Variants in TMEM182 observed in about 807,000 individuals in gnomAD.
The protein encoded by TMEM182 is transmembrane protein 182.
A neutral mutation model predicts 26.8 loss-of-function variants in TMEM182; 20 were observed. The observed-to-expected ratio is 0.75, with a 90% CI of 0.53 to 1.09. The LOEUF (loss-of-function observed/expected upper bound fraction) is 1.09. Ranked by LOEUF, TMEM182 falls within the 50% of genes least tolerant of loss-of-function variation. The pLI is 0.00. For synonymous variants in TMEM182, 109 were observed against 102.2 expected, an observed-to-expected ratio of 1.07 and a Z score of -0.40; for missense variants, 277 against 275.5, an observed-to-expected ratio of 1.01 and a Z score of -0.04.
intron 3 of TMEM182, among the ~76,000 whole-genome samples, chr2:102,771,308 C>A (rs1013936814): frequency 1.3e-5 from 2 of 152,168 alleles, no homozygotes; most frequent in African/African-American, 2.4e-5. Context: ...TATCACGTTA[C>A]AGGAGTGGCT....
At chr2:102,800,631 C>A (rs1054994091) in intron 4 of TMEM182, among the ~76,000 whole-genome samples, 1 of 151,998 alleles carries the variant, frequency 6.6e-6, no homozygotes. Flanking sequence ...TTTACATGTA[C>A]AAATATTTGT....
chr2:102,784,884 T>TG (rs1320295895), intron 3 of TMEM182, among the ~76,000 whole-genome samples: 1 of 152,186 alleles, frequency 6.6e-6, no homozygotes, highest in Non-Finnish European at 1.5e-5. Flanking sequence ...GCTTCTTTAC[T>TG]GCAACCTGTT....
At chr2:102,835,656 GCTTTGTGC>G (rs2104778928) in intron 3 of TMEM182, among the ~76,000 whole-genome samples, 1 of 151,390 alleles carries the variant, frequency 6.6e-6, no homozygotes, top group African/African-American at 2.4e-5. Context: ...CATTTTTATA[GCTTTGTGC>G]CTTTCAGAAT....
At chr2:102,750,969 A>G (rs889723711) in intron 1 of TMEM182, among the ~76,000 whole-genome samples, 2 of 152,148 alleles carry the variant, frequency 1.3e-5, no homozygotes, top group African/African-American at 2.4e-5. Context: ...GCTGGGTTGC[A>G]TATAGCCGCC....
chr2:102,807,654 C>G (rs1682398280), intron 4 of TMEM182, among the ~76,000 whole-genome samples: 1 of 152,136 alleles, frequency 6.6e-6, no homozygotes, highest in Non-Finnish European at 1.5e-5. Context: ...GCAAATTTCC[C>G]TTTTCCCAGA....
intron 3 of TMEM182, among the ~76,000 whole-genome samples, chr2:102,789,004 A>G (rs543097757): frequency 6.6e-6 from 1 of 152,300 alleles, no homozygotes; most frequent in South Asian, 2.1e-4. Context: ...CAAGACAAGC[A>G]GTGTATGGAG....
chr2:102,842,518 T>C (rs1683374130), intron 3 of TMEM182, among the ~76,000 whole-genome samples: 1 of 152,044 alleles, frequency 6.6e-6, no homozygotes, highest in Admixed American at 6.5e-5. Flanking sequence ...TCCACCTAGA[T>C]CCACAGGGTC....
chr2:102,797,066 C>G (rs1681901079), intron 3 of TMEM182, among the ~76,000 whole-genome samples: 1 of 152,118 alleles, frequency 6.6e-6, no homozygotes. Context: ...CGTTAGAATT[C>G]CTTTTTGTTT....
chr2:102,795,709 G>A (rs1399574371), intron 3 of TMEM182, among the ~76,000 whole-genome samples: 1 of 152,058 alleles, frequency 6.6e-6, no homozygotes, highest in Non-Finnish European at 1.5e-5. Context: ...AGGTTCAAAC[G>A]TGGAATTTTA....
chr2:102,794,392 T>A (rs767833501), intron 3 of TMEM182, among the ~76,000 whole-genome samples: 1 of 152,234 alleles, frequency 6.6e-6, no homozygotes, highest in African/African-American at 2.4e-5. Flanking sequence ...TATTAATCAT[T>A]TCTGCTGCTC....
At chr2:102,743,208 T>C (rs1679591385) in intron 1 of TMEM182, among the ~76,000 whole-genome samples, 2 of 152,196 alleles carry the variant, frequency 1.3e-5, no homozygotes, top group Admixed American at 6.6e-5. Context: ...AGTATGTTAT[T>C]TGAAACTAGT....
intron 3 of TMEM182, chr2:102,834,422 G>C (rs1683205325): frequency 1.0e-6 from 1 of 985,100 alleles, no homozygotes; most frequent in Admixed American, 6.2e-5. Flanking sequence ...TCTAGAAGAT[G>C]GGGGGATGGA....
chr2:102,821,355 C>T (rs575361928), downstream of TMEM182, among the ~76,000 whole-genome samples: 4 of 152,214 alleles, frequency 2.6e-5, no homozygotes, highest in Admixed American at 2.0e-4. Flanking sequence ...GAGGGTGGAT[C>T]CTTCATGGCT....
chr2:102,765,434 G>A (rs941201099), intron 3 of TMEM182, among the ~76,000 whole-genome samples: 1 of 151,990 alleles, frequency 6.6e-6, no homozygotes, highest in Admixed American at 6.6e-5. Flanking sequence ...TGGGGTAGGG[G>A]GTAATCTGCT....
Position 102,816,711 on chromosome 2 carries a change from G to A in TMEM182, c.*1743G>A, listed in dbSNP as rs1682767864. 1 of 985,662 alleles carries A rather than the reference G, an allele frequency of 1.0e-6. No homozygotes were observed. Among genetic ancestry groups the A allele is most frequent in the Non-Finnish European group, 1.2e-6 (1 of 829,890 alleles). 61.1% of individuals were successfully genotyped at this position (985,662 alleles called of 1,614,324 possible). A position where few individuals can be genotyped will look rare whatever the true frequency, so the allele number is the denominator to read the frequency against. ...AAAAAATAATTATGAGGTCTGTTGT[G>A]CATGTTGACTGTGATATTAAGTTAT... On this transcript the variant is annotated 3_prime_UTR_variant, in exon 5 of 5. Transcript: ENST00000412401.
At chr2:102,820,773 A>G (rs796534899), downstream of TMEM182, among the ~76,000 whole-genome samples, 2 of 152,222 alleles carry the variant, frequency 1.3e-5, no homozygotes, top group East Asian at 1.9e-4. Flanking sequence ...GAAGGGTCCA[A>G]TCATTCCAAG....
chr2:102,764,880 C>T (rs1338578825), intron 3 of TMEM182, among the ~76,000 whole-genome samples: 1 of 151,346 alleles, frequency 6.6e-6, no homozygotes, highest in Non-Finnish European at 1.5e-5. Flanking sequence ...AATTATGCTA[C>T]TATATTTATA....
intron 1 of TMEM182, chr2:102,737,049 GC>G: frequency 1.9e-6 from 1 of 527,792 alleles, no homozygotes. Flanking sequence ...TAATGATGAT[GC>G]TCTTTGTTTC....
chr2:102,797,154 A>G (rs1032377253), intron 3 of TMEM182, among the ~76,000 whole-genome samples: 2 of 152,158 alleles, frequency 1.3e-5, no homozygotes, highest in Non-Finnish European at 1.5e-5. Flanking sequence ...CTTGACTCCT[A>G]TAGACTCCTA....
Sources: gnomAD v4.1 joint callset for allele counts (sites outside exome capture counted in the v4.1 genomes callset) on GRCh38, gnomAD v4.1.1 for gene constraint, MANE v1.5 for transcripts, NCBI Gene and HGNC (gene_info 2026-07-23, HGNC 2026-07-21) for gene names.